The following ARB2A variants were observed in gnomAD, a reference collection of about 807,000 sequenced individuals.
ARB2A encodes cotranscriptional regulator ARB2A.
At chr5:93,975,632 A>G in the ARB2A span, among the ~76,000 whole-genome samples, 1 of 152,174 alleles carries the variant, frequency 6.6e-6, no homozygotes, top group African/African-American at 2.4e-5. Flanking sequence ...GATATAAAAG[A>G]TCCTCAGAGA....
At chr5:93,779,084 T>C in the ARB2A span, among the ~76,000 whole-genome samples, 5 of 142,384 alleles carry the variant, frequency 3.5e-5, no homozygotes, top group Non-Finnish European at 6.1e-5. Flanking sequence ...GATATGGTCA[T>C]TTCAGAGTGT....
chr5:93,808,145 A>C, the ARB2A span, among the ~76,000 whole-genome samples: 2 of 152,042 alleles, frequency 1.3e-5, no homozygotes, highest in East Asian at 3.9e-4. Flanking sequence ...CAGACAGTAA[A>C]TATATACTGA....
the ARB2A span, among the ~76,000 whole-genome samples, chr5:93,868,546 C>T: frequency 6.6e-6 from 1 of 152,222 alleles, no homozygotes; most frequent in East Asian, 1.9e-4. Flanking sequence ...GGCAAAGTTA[C>T]CTATAGACAA....
the ARB2A span, among the ~76,000 whole-genome samples, chr5:94,010,727 T>C: frequency 6.6e-6 from 1 of 152,074 alleles, no homozygotes; most frequent in Admixed American, 6.5e-5. Context: ...TCCTGTTATA[T>C]TATTATACTA....
At chr5:93,892,722 C>A in the ARB2A span, among the ~76,000 whole-genome samples, 8 of 152,112 alleles carry the variant, frequency 5.3e-5, no homozygotes, top group Non-Finnish European at 1.0e-4. Context: ...TCAACACTTG[C>A]AAAATCTCTT....
the ARB2A span, among the ~76,000 whole-genome samples, chr5:93,920,758 T>A: frequency 6.6e-6 from 1 of 152,258 alleles, no homozygotes; most frequent in Middle Eastern, 3.4e-3. Flanking sequence ...CGTAACTGCA[T>A]AAAATTCACT....
the ARB2A span, among the ~76,000 whole-genome samples, chr5:94,014,110 G>C: frequency 6.6e-6 from 1 of 152,160 alleles, no homozygotes; most frequent in Non-Finnish European, 1.5e-5. Flanking sequence ...GAGACAAACA[G>C]GGGAAGTGGA....
chr5:94,066,440 AC>A, the ARB2A span, among the ~76,000 whole-genome samples: 1 of 150,762 alleles, frequency 6.6e-6, no homozygotes, highest in African/African-American at 2.5e-5. Flanking sequence ...ACACACACAC[AC>A]ACACACACAC....
chr5:93,686,291 T>C, the ARB2A span, among the ~76,000 whole-genome samples: 1 of 152,212 alleles, frequency 6.6e-6, no homozygotes, highest in African/African-American at 2.4e-5. Flanking sequence ...AGTCCAACTG[T>C]AATCCTGGGA....
the ARB2A span, among the ~76,000 whole-genome samples, chr5:93,896,605 G>A: frequency 1.3e-5 from 2 of 151,950 alleles, no homozygotes; most frequent in Non-Finnish European, 2.9e-5. Context: ...CCTGAAACAT[G>A]TTAGATGAAT....
the ARB2A span, among the ~76,000 whole-genome samples, chr5:93,652,928 A>G: frequency 6.6e-6 from 1 of 152,194 alleles, no homozygotes; most frequent in Non-Finnish European, 1.5e-5. Context: ...CAAAAATGAG[A>G]AAGAGCATAT....
At chr5:93,879,096 T>C in the ARB2A span, among the ~76,000 whole-genome samples, 22 of 152,122 alleles carry the variant, frequency 1.4e-4, no homozygotes, top group Non-Finnish European at 1.2e-4. Flanking sequence ...TAAAATGCTC[T>C]GTGTCTGAAA....
At chr5:93,620,866 C>G in the ARB2A span, 20 of 1,374,952 alleles carry the variant, frequency 1.5e-5, no homozygotes, top group Admixed American at 7.4e-5. Flanking sequence ...GTATATATCA[C>G]GACCCTGGGC....
chr5:93,721,316 C>T, the ARB2A span, among the ~76,000 whole-genome samples: 5 of 151,998 alleles, frequency 3.3e-5, 1 homozygote, highest in South Asian at 6.2e-4. Flanking sequence ...CATAGTTAAT[C>T]GTAAGATAGT....
At chr5:93,718,414 G>T in the ARB2A span, among the ~76,000 whole-genome samples, 1 of 152,024 alleles carries the variant, frequency 6.6e-6, no homozygotes, top group Admixed American at 6.6e-5. Flanking sequence ...TCCAGCCTGG[G>T]CAATGGAGCG....
At chr5:94,075,406 C>T in the ARB2A span, among the ~76,000 whole-genome samples, 1 of 151,952 alleles carries the variant, frequency 6.6e-6, no homozygotes, top group African/African-American at 2.4e-5. Flanking sequence ...TTATTAAAAT[C>T]GAATTCTGCT....
chr5:94,085,574 A>G, the ARB2A span, among the ~76,000 whole-genome samples: 2 of 152,226 alleles, frequency 1.3e-5, no homozygotes, highest in Non-Finnish European at 2.9e-5. Context: ...AAGCAAGCGG[A>G]AAGCTGAAGA....
chr5:93,776,209 A>G, the ARB2A span: 7 of 1,612,096 alleles, frequency 4.3e-6, no homozygotes, highest in Non-Finnish European at 5.9e-6. Flanking sequence ...TGATGTGTCT[A>G]ATGGTTCTGA....
At chr5:93,809,226 T>G in the ARB2A span, among the ~76,000 whole-genome samples, 1 of 151,998 alleles carries the variant, frequency 6.6e-6, no homozygotes, top group African/African-American at 2.4e-5. Flanking sequence ...CTTAAAACAC[T>G]GATTTATTTA....
Sources: allele counts gnomAD v4.1 joint callset (sites outside exome capture counted in the v4.1 genomes callset), GRCh38; gene constraint gnomAD v4.1.1; transcripts MANE v1.5; gene names NCBI Gene and HGNC (gene_info 2026-07-23, HGNC 2026-07-21).